The following PIGK variants were observed in gnomAD, a reference collection of about 807,000 sequenced individuals.
PIGK encodes phosphatidylinositol glycan anchor biosynthesis class K.
PIGK carries 42 observed loss-of-function variants against 50.6 expected under a neutral mutation model. The observed-to-expected ratio is 0.83, with a 90% confidence interval of 0.65 to 1.07. The LOEUF is 1.07. Ranked by LOEUF, PIGK falls within the 50% of genes least tolerant of loss-of-function variation. PIGK has a pLI of 0.00. For synonymous variants in PIGK, 151 were observed against 156.0 expected (o/e 0.97, Z 0.24); for missense variants, 448 against 488.7 (o/e 0.92, Z 0.78).
At chr1:77,195,078 G>C in intron 3 of PIGK, 1 of 993,404 alleles carries the variant, frequency 1.0e-6, no homozygotes. Flanking sequence ...CCCATAGCAG[G>C]AACAACCCAG....
chr1:77,130,297 C>CA (rs749423746), intron 9 of PIGK, among the ~76,000 whole-genome samples: 1,000 of 41,486 alleles, frequency 0.024, 302 homozygotes, highest in Non-Finnish European at 0.031. Flanking sequence ...TACTCCTAAG[C>CA]AAAAAAAAAA....
intron 10 of PIGK, among the ~76,000 whole-genome samples, chr1:77,105,875 A>G (rs1653658392): frequency 6.6e-6 from 1 of 152,232 alleles, no homozygotes; most frequent in East Asian, 1.9e-4. Context: ...GTTCCTTGCT[A>G]CAGAGAAACA....
intron 10 of PIGK, among the ~76,000 whole-genome samples, chr1:77,120,549 T>C (rs1654074437): frequency 6.6e-6 from 1 of 152,150 alleles, no homozygotes; most frequent in Non-Finnish European, 1.5e-5. Context: ...AACGGACTTA[T>C]CAGTTAATTT....
chr1:77,189,740 TATATATATACACACACACAC>T (rs1375140640), intron 3 of PIGK, among the ~76,000 whole-genome samples: 13 of 33,230 alleles, frequency 3.9e-4, no homozygotes, highest in South Asian at 1.8e-3. Context: ...TATATATATA[TATATATATACACACACACAC>T]ACACACACAC....
chr1:77,210,617 T>C, intron 1 of PIGK, 128 bp from the exon 2 acceptor site: 2 of 573,382 alleles, frequency 3.5e-6, no homozygotes. Context: ...TTTATGAAGA[T>C]TCCAGTATTT....
At chr1:77,156,131 G>T (rs955936060) in intron 8 of PIGK, among the ~76,000 whole-genome samples, 5 of 150,912 alleles carry the variant, frequency 3.3e-5, no homozygotes, top group African/African-American at 1.2e-4. Context: ...GAAGATTGGA[G>T]AAAAAAATGA....
chr1:77,103,881 C>T (rs1215565970), intron 10 of PIGK, among the ~76,000 whole-genome samples: 1 of 152,036 alleles, frequency 6.6e-6, no homozygotes, highest in African/African-American at 2.4e-5. Context: ...AAAAAAATAT[C>T]AAAAGGCCAA....
In PIGK at chr1:77,122,457, A is replaced by T; in HGVS notation, c.987-98T>A. ...TCAAATATGAAATATAGTAAAATGC[A>T]TAGATTTTTTTTGAAATAATCAGTA... is the stretch of plus-strand genomic sequence containing the variant. On this transcript the variant is annotated intron_variant, in intron 9 of 10. Transcript: ENST00000370812. The T allele has an allele frequency of 4.3e-6, 3 of 696,266 alleles. 1 individual carries two copies. Among genetic ancestry groups the T allele is most frequent in the Non-Finnish European group, 7.4e-6 (3 of 407,352 alleles). 43.1% of individuals were successfully genotyped at this position (696,266 alleles called of 1,614,324 possible).
chr1:77,148,552 C>T (rs924235466), intron 9 of PIGK, among the ~76,000 whole-genome samples: 1 of 151,972 alleles, frequency 6.6e-6, no homozygotes, highest in Non-Finnish European at 1.5e-5. Context: ...GAACATATAA[C>T]AAAACAATTT....
chr1:77,195,993 G>C lies in PIGK; in HGVS notation c.239+10647C>G, dbSNP rs1339203785. ...GCCTTTGCCATTCCCCCCAACTCTAGAGGTCCCCAGTGTTTATTATTCCCA... is the reference window on the plus strand; with the variant it reads ...GCCTTTGCCATTCCCCCCAACTCTACAGGTCCCCAGTGTTTATTATTCCCA... On this transcript the variant is annotated intron_variant, in intron 3 of 10. Transcript: ENST00000370812. Among the ~76,000 whole-genome samples the C allele has an allele frequency of 2.7e-5, 4 of 150,626 alleles. No individual in the cohort carries two copies. The East Asian group carries it at 7.8e-4, about 29-fold the overall frequency.
intron 3 of PIGK, among the ~76,000 whole-genome samples, chr1:77,186,025 C>T (rs978132248): frequency 2.6e-5 from 4 of 152,184 alleles, no homozygotes; most frequent in Non-Finnish European, 4.4e-5. Context: ...TAAAGTAGGT[C>T]ATGCACAGCA....
chr1:77,169,264 T>C lies in PIGK; in HGVS notation c.371A>G (p.Tyr124Cys). 1.4e-5 allele frequency: 21 copies of C among 1,549,310 alleles called. No homozygotes were observed. The highest frequency in any genetic ancestry group is 1.8e-5 in the Non-Finnish European group (21 of 1,146,382). ...GDDVEVDYRS[Y>C]EVTVENFLRV... The stretch of plus-strand genomic sequence containing the variant: ...TGGCTAGATTAAAGAATTTACCTCG[T>C]AACTTCTATAATCCACTTCCACATC... The change falls in exon 4 of 11, where the codon TAC becomes TGC. Residue 124 changes from tyrosine to cysteine, a missense_variant. Coordinates refer to ENST00000370812, the MANE Select transcript of PIGK (RefSeq NM_005482.3).
At chr1:77,146,456 G>A (rs545295683) in intron 9 of PIGK, among the ~76,000 whole-genome samples, 1 of 152,052 alleles carries the variant, frequency 6.6e-6, no homozygotes, top group East Asian at 1.9e-4. Context: ...GAGGCCAGTA[G>A]TTTTAGATCA....
intron 9 of PIGK, among the ~76,000 whole-genome samples, chr1:77,152,942 G>GA (rs1654925630): frequency 6.6e-6 from 1 of 152,060 alleles, no homozygotes; most frequent in African/African-American, 2.4e-5. Flanking sequence ...AGTCATTATA[G>GA]AAAACAGTAC....
chr1:77,164,579 T>A (rs941017304), intron 5 of PIGK, among the ~76,000 whole-genome samples: 6 of 152,140 alleles, frequency 3.9e-5, no homozygotes, highest in African/African-American at 1.4e-4. Context: ...ACCTTCCTCT[T>A]GGATACATGC....
chr1:77,200,573 AGT>A (rs1465053330), intron 3 of PIGK, among the ~76,000 whole-genome samples: 5 of 152,226 alleles, frequency 3.3e-5, no homozygotes, highest in Admixed American at 6.5e-5. Context: ...GTATTTAATG[AGT>A]GTGCATAATT....
intron 3 of PIGK, among the ~76,000 whole-genome samples, chr1:77,180,602 A>G (rs567254253): frequency 6.6e-6 from 1 of 151,852 alleles, no homozygotes; most frequent in East Asian, 1.9e-4. Context: ...AGGTGGTTAG[A>G]GCACAAGTTG....
chr1:77,161,182 C>T lies in PIGK; in HGVS notation c.813+113G>A. ...GGTAGATATCAAATAGTTTTAAAAG[C>T]TATAATTCAACACATAAAACAAGAT... On this transcript the variant is annotated intron_variant, in intron 8 of 10. Transcript: ENST00000370812. The T allele has an allele frequency of 4.6e-6, 3 of 650,422 alleles. No individual in the cohort carries two copies. The South Asian group carries it at 5.6e-5, about 12-fold the overall frequency. 40.3% of individuals were successfully genotyped at this position (650,422 alleles called of 1,614,324 possible). A position where few individuals can be genotyped will look rare whatever the true frequency, so the allele number is the denominator to read the frequency against.
intron 3 of PIGK, among the ~76,000 whole-genome samples, chr1:77,193,604 T>C (rs998413834): frequency 6.6e-6 from 1 of 152,178 alleles, no homozygotes; most frequent in Non-Finnish European, 1.5e-5. Flanking sequence ...CTTTGTCATA[T>C]TTCCAAGGGA....
Sources: allele counts gnomAD v4.1 joint callset (sites outside exome capture counted in the v4.1 genomes callset), GRCh38; gene constraint gnomAD v4.1.1; transcripts MANE v1.5; gene names NCBI Gene and HGNC (gene_info 2026-07-23, HGNC 2026-07-21).